The following SLC25A26 variants were observed in gnomAD, a reference collection of about 807,000 sequenced individuals.
The protein encoded by SLC25A26 is mitochondrial S-adenosylmethionine carrier protein.
Under a neutral mutation model 37.8 loss-of-function variants are expected in SLC25A26, and 36 were observed. The observed-to-expected ratio is 0.95, with a 90% CI of 0.73 to 1.26. SLC25A26 has a LOEUF of 1.26. SLC25A26 is among the 50% of genes most tolerant of loss of function. The pLI is 0.00. For synonymous variants in SLC25A26, 129 were observed against 122.5 expected (o/e 1.05, Z -0.35); for missense variants, 390 against 331.1 (o/e 1.18, Z -1.38).
chr3:66,267,895 A>G (rs1254021026), intron 5 of SLC25A26, among the ~76,000 whole-genome samples: 2 of 152,182 alleles, frequency 1.3e-5, no homozygotes, highest in African/African-American at 2.4e-5. Context: ...GTGGCTGGAA[A>G]CGGGAACCTT....
intron 5 of SLC25A26, among the ~76,000 whole-genome samples, chr3:66,270,589 C>T (rs777410121): frequency 2.0e-5 from 3 of 152,132 alleles, no homozygotes; most frequent in Non-Finnish European, 4.4e-5. Context: ...AATGAAATTT[C>T]CTCTTTTATC....
chr3:66,323,406 G>C (rs776392176), intron 5 of SLC25A26, among the ~76,000 whole-genome samples: 4 of 152,234 alleles, frequency 2.6e-5, no homozygotes, highest in Non-Finnish European at 4.4e-5. Context: ...TGCCCAGGCA[G>C]AGCCAATTTA....
intron 6 of SLC25A26, among the ~76,000 whole-genome samples, chr3:66,354,194 A>G (rs757817585): frequency 6.6e-6 from 1 of 151,590 alleles, no homozygotes; most frequent in Non-Finnish European, 1.5e-5. Context: ...GTGAGACATC[A>G]GTTTATATTG....
chr3:66,308,728 A>T (rs572703587), intron 5 of SLC25A26, among the ~76,000 whole-genome samples: 2 of 152,194 alleles, frequency 1.3e-5, no homozygotes, highest in Non-Finnish European at 2.9e-5. Context: ...TGTTTTTAGC[A>T]TGAAGGGGTG....
intron 3 of SLC25A26, chr3:66,261,475 CAT>C (rs2073526279): frequency 6.6e-6 from 1 of 152,388 alleles, no homozygotes; most frequent in Non-Finnish European, 1.5e-5. Flanking sequence ...ATATTAGAAT[CAT>C]ATATTGGCTG....
At chr3:66,247,659 A>G (rs782781103) in intron 3 of SLC25A26, among the ~76,000 whole-genome samples, 2 of 152,188 alleles carry the variant, frequency 1.3e-5, no homozygotes, top group Non-Finnish European at 1.5e-5. Context: ...TAGTATGCTG[A>G]GAAGTTTGCC....
intron 2 of SLC25A26, among the ~76,000 whole-genome samples, chr3:66,240,770 G>A (rs36157487): frequency 3.0e-5 from 4 of 134,026 alleles, no homozygotes; most frequent in African/African-American, 1.1e-4. Context: ...TTTTGAGACA[G>A]AGTCTCACTC....
chr3:66,326,674 T>G (rs985173447), intron 5 of SLC25A26, among the ~76,000 whole-genome samples: 1 of 152,080 alleles, frequency 6.6e-6, no homozygotes, highest in African/African-American at 2.4e-5. Flanking sequence ...GGAGAGTGAG[T>G]GCACGCACGC....
chr3:66,140,513 T>C (rs1405413631), intron 1 of SLC25A26, among the ~76,000 whole-genome samples: 1 of 152,130 alleles, frequency 6.6e-6, no homozygotes, highest in Non-Finnish European at 1.5e-5. Flanking sequence ...TCAGAAAGGA[T>C]CATTCACTAG....
intron 1 of SLC25A26, among the ~76,000 whole-genome samples, chr3:66,150,957 C>T (rs1329060863): frequency 6.6e-6 from 1 of 151,772 alleles, no homozygotes; most frequent in East Asian, 2.0e-4. Context: ...ATGGGGGACA[C>T]ATGGGGCAGG....
intron 5 of SLC25A26, among the ~76,000 whole-genome samples, chr3:66,301,444 G>C (rs569712424): frequency 6.6e-6 from 1 of 152,306 alleles, no homozygotes; most frequent in Non-Finnish European, 1.5e-5. Context: ...CAACCAATTC[G>C]TCTATGCCTT....
intron 6 of SLC25A26, among the ~76,000 whole-genome samples, chr3:66,357,592 C>T (rs1012143611): frequency 3.3e-5 from 5 of 152,066 alleles, no homozygotes; most frequent in Non-Finnish European, 5.9e-5. Flanking sequence ...CCCCTTAATG[C>T]CCCTCTCCTC....
chr3:66,318,694 ACT>A (rs1230472510), intron 5 of SLC25A26, among the ~76,000 whole-genome samples: 1 of 150,898 alleles, frequency 6.6e-6, no homozygotes, highest in Non-Finnish European at 1.5e-5. Context: ...AGGCTCGGAG[ACT>A]CTGTCACCCA....
At chr3:66,233,082 G>A (rs1401832188) in intron 1 of SLC25A26, among the ~76,000 whole-genome samples, 5 of 152,214 alleles carry the variant, frequency 3.3e-5, no homozygotes, top group Admixed American at 2.0e-4. Context: ...TAGGCCAGTG[G>A]CCTCTATTAA....
intron 5 of SLC25A26, among the ~76,000 whole-genome samples, chr3:66,298,382 TGA>T (rs1233390689): frequency 1.3e-5 from 2 of 152,234 alleles, no homozygotes; most frequent in African/African-American, 4.8e-5. Flanking sequence ...GAGAAATTTC[TGA>T]GAGGTACATC....
At chr3:66,204,398 C>T (rs1312419473) in intron 1 of SLC25A26, among the ~76,000 whole-genome samples, 2 of 120,530 alleles carry the variant, frequency 1.7e-5, no homozygotes, top group East Asian at 2.7e-4. Flanking sequence ...TGCACTCCAG[C>T]CTGGGCGACT....
At chr3:66,270,377 T>C (rs752555256) in intron 5 of SLC25A26, among the ~76,000 whole-genome samples, 3 of 152,220 alleles carry the variant, frequency 2.0e-5, no homozygotes, top group Non-Finnish European at 2.9e-5. Flanking sequence ...TGCAAACATA[T>C]TGAACCCTAT....
At chr3:66,307,347 G>A (rs2107585936) in intron 5 of SLC25A26, among the ~76,000 whole-genome samples, 1 of 152,164 alleles carries the variant, frequency 6.6e-6, no homozygotes, top group South Asian at 2.1e-4. Flanking sequence ...CTTTCTGATG[G>A]GGTCGTTTGT....
At chr3:66,161,652 T>A (rs1465973208) in intron 1 of SLC25A26, among the ~76,000 whole-genome samples, 1 of 152,042 alleles carries the variant, frequency 6.6e-6, no homozygotes, top group Admixed American at 6.6e-5. Context: ...AGTGAGAGAG[T>A]TTTTGTTTGC....
Sources: gnomAD v4.1 joint callset for allele counts (sites outside exome capture counted in the v4.1 genomes callset) on GRCh38, gnomAD v4.1.1 for gene constraint, MANE v1.5 for transcripts, NCBI Gene and HGNC (gene_info 2026-07-23, HGNC 2026-07-21) for gene names.